The following RIMS3 variants were observed in gnomAD, a reference collection of about 807,000 sequenced individuals.
RIMS3 encodes the protein regulating synaptic membrane exocytosis protein 3.
RIMS3 carries 15 observed loss-of-function variants against 29.2 expected under a neutral mutation model. That is an observed-to-expected ratio of 0.51 (90% CI 0.34 to 0.79). RIMS3 has a LOEUF of 0.79. RIMS3 is among the 30% of genes least tolerant of loss of function. The pLI is 0.01. For missense variants in RIMS3, 342 were observed against 421.4 expected (o/e 0.81, Z 1.65); for synonymous variants, 161 against 170.1 (o/e 0.95, Z 0.41).
At chr1:40,675,107 A>C in the RIMS3 span, among the ~76,000 whole-genome samples, 857 of 152,210 alleles carry the variant, frequency 5.6e-3, 6 homozygotes, top group African/African-American at 0.02. Context: ...AAAGGAAAAA[A>C]AATTTTTTTT....
the RIMS3 span, among the ~76,000 whole-genome samples, chr1:40,685,038 G>GTGGC: frequency 6.6e-6 from 1 of 152,042 alleles, no homozygotes; most frequent in African/African-American, 2.4e-5. Flanking sequence ...GGTGGACCAA[G>GTGGC]TGGCTAATTG....
the RIMS3 span, among the ~76,000 whole-genome samples, chr1:40,671,637 T>G: frequency 1.3e-5 from 2 of 152,148 alleles, no homozygotes; most frequent in Admixed American, 1.3e-4. Flanking sequence ...GCTCCCCCTT[T>G]GCCTTCAGCC....
rs1163522899 is a variant in RIMS3, at chr1:40,633,111, C to A, written c.430G>T (p.Ala144Ser). ...FSDFLDGLGP[A>S]QIVGRQTLAT... ...AGTGTCTGTCGCCCCACAATCTGAG[C>A]TGGTCCCAGCCCATCCAGGAAATCG... The change falls in exon 5 of 8, where the codon GCT becomes TCT. Residue 144 changes from alanine (A) to serine (S), a missense_variant. Transcript: ENST00000372684. 6.2e-7 allele frequency: 1 copy of A among 1,614,184 alleles called. No individual in the cohort carries two copies. Among genetic ancestry groups the A allele is most frequent in the South Asian group, 1.1e-5 (1 of 91,092 alleles).
the RIMS3 span, among the ~76,000 whole-genome samples, chr1:40,675,944 A>G: frequency 6.6e-6 from 1 of 151,946 alleles, no homozygotes; most frequent in Non-Finnish European, 1.5e-5. Context: ...AAAGTCATAG[A>G]CAAGTAGGTC....
chr1:40,687,082 T>C, the RIMS3 span, among the ~76,000 whole-genome samples: 38 of 151,654 alleles, frequency 2.5e-4, no homozygotes, highest in African/African-American at 8.0e-4. Flanking sequence ...CCCCCAATAA[T>C]TGAAAGCAGG....
intron 1 of RIMS3, among the ~76,000 whole-genome samples, chr1:40,663,583 CCT>C (rs1642383204): frequency 6.6e-6 from 1 of 152,210 alleles, no homozygotes; most frequent in Non-Finnish European, 1.5e-5. Context: ...CACCCAGACC[CCT>C]GACAGACCCC....
the RIMS3 span, among the ~76,000 whole-genome samples, chr1:40,676,931 C>T: frequency 6.6e-6 from 1 of 152,106 alleles, no homozygotes; most frequent in Non-Finnish European, 1.5e-5. Flanking sequence ...TCCCTCTACC[C>T]CCTTAGGACA....
chr1:40,642,904 C>T (rs188241053), intron 2 of RIMS3, among the ~76,000 whole-genome samples: 7 of 149,862 alleles, frequency 4.7e-5, no homozygotes, highest in Admixed American at 1.3e-4. Context: ...AGCAGTGAGC[C>T]GAGATCGCAC....
chr1:40,660,341 G>A (rs897462603), intron 1 of RIMS3, among the ~76,000 whole-genome samples: 1 of 134,478 alleles, frequency 7.4e-6, no homozygotes, highest in African/African-American at 2.6e-5. Context: ...CTAAGTGTGG[G>A]CCAGGAAGCA....
In RIMS3 at chr1:40,626,126, G is replaced by C. The variant is rs574860467; in HGVS notation, c.*391C>G. The C allele has an allele frequency of 6.2e-5, 19 of 305,178 alleles. No homozygotes were observed. In the Admixed American group the frequency reaches 7.0e-4, roughly 11 times the overall value. 18.9% of individuals were successfully genotyped at this position (305,178 alleles called of 1,614,324 possible). ...TGAAGAACACACAGGCTCTGCCCCAGGCCAGGACCAGGCAGCACCGACCAG... is the reference window on the plus strand; with the variant it reads ...TGAAGAACACACAGGCTCTGCCCCACGCCAGGACCAGGCAGCACCGACCAG... On this transcript the variant is annotated 3_prime_UTR_variant, in exon 8 of 8. Coordinates refer to ENST00000372684, the MANE Select transcript of RIMS3 (RefSeq NM_014747.3).
In RIMS3 at chr1:40,654,920, C is replaced by T. The variant is rs1347282033; in HGVS notation, c.-206-7078G>A. On this transcript the variant is annotated intron_variant, in intron 1 of 7. Transcript: ENST00000372684. This position sits in a 1 kb window ranked among gnomAD's most constrained non-coding sequence, Gnocchi z 5.3. ...TCACCATGGACACACAAGCACACAC[C>T]CCACACTCTACCCAGGCCCTCCATC... Among the ~76,000 whole-genome samples, 1 of 152,190 alleles carries T rather than the reference C, an allele frequency of 6.6e-6. No individual in the cohort carries two copies. The highest frequency in any genetic ancestry group is 1.5e-5 in the Non-Finnish European group (1 of 68,032).
the RIMS3 span, among the ~76,000 whole-genome samples, chr1:40,682,056 A>G: frequency 2.0e-5 from 3 of 151,850 alleles, no homozygotes; most frequent in African/African-American, 7.3e-5. Flanking sequence ...CTGGCCTTGA[A>G]CTCCTGACCT....
Position 40,641,699 on chromosome 1 carries a change from GCCC to G in RIMS3, c.217+7_217+9del. ...CCACCTCTACCCCGTGATGTCCCAT[GCCC>G]CCTCACCAGGCTGCGGAAGCTGGAG... is the stretch of plus-strand genomic sequence containing the variant. On this transcript the variant is annotated splice_region_variant and intron_variant, in intron 3 of 7. Coordinates refer to ENST00000372684, the MANE Select transcript of RIMS3 (RefSeq NM_014747.3). The G allele has an allele frequency of 6.2e-7, 1 of 1,613,630 alleles. No individual in the cohort carries two copies. The highest frequency in any genetic ancestry group is 1.3e-5 in the African/African-American group (1 of 75,032).
chr1:40,628,851 C>A lies in RIMS3; in HGVS notation c.673G>T (p.Ala225Ser). The change falls in exon 7 of 8, where the codon GCT (alanine) becomes TCT (serine). Residue 225 changes from alanine to serine, a missense_variant. Coordinates refer to ENST00000372684, the MANE Select transcript of RIMS3 (RefSeq NM_014747.3). ...KKTCDPLYQQ[A>S]LLFDEGPQGK... ...TGGGGTCCCTCGTCAAAGAGCAGAG[C>A]CTGCTGGTACAGGGGATCACAGGTC... The A allele has an allele frequency of 6.2e-7, 1 of 1,614,164 alleles. No individual in the cohort carries two copies. Among genetic ancestry groups the A allele is most frequent in the Non-Finnish European group, 8.5e-7 (1 of 1,180,040 alleles).
chr1:40,673,871 A>G, the RIMS3 span, among the ~76,000 whole-genome samples: 7 of 152,310 alleles, frequency 4.6e-5, no homozygotes, highest in African/African-American at 1.2e-4. Context: ...TTCCTTCCAC[A>G]TGTGTGAAAT....
At chr1:40,669,028 C>G (rs1246557407), upstream of RIMS3, 1 of 152,260 alleles carries the variant, frequency 6.6e-6, no homozygotes, top group African/African-American at 2.4e-5. Context: ...TTGGCACAGC[C>G]GAGCCGAAGT....
intron 1 of RIMS3, among the ~76,000 whole-genome samples, chr1:40,657,073 T>C (rs568891068): frequency 2.0e-4 from 31 of 152,306 alleles, no homozygotes; most frequent in Admixed American, 1.5e-3. Context: ...TATTCACAAA[T>C]TGTCATAACG....
At chr1:40,662,294 A>T (rs948880304) in intron 1 of RIMS3, among the ~76,000 whole-genome samples, 1 of 151,880 alleles carries the variant, frequency 6.6e-6, no homozygotes, top group Admixed American at 6.6e-5. Context: ...CCCCTTCCTC[A>T]TCCCTTCTTC....
chr1:40,644,969 G>A (rs143190031), intron 2 of RIMS3, among the ~76,000 whole-genome samples: 121 of 152,372 alleles, frequency 7.9e-4, no homozygotes, highest in Admixed American at 7.8e-3. Flanking sequence ...CCAGACAGCT[G>A]AGAATGGTCA....
Sources: gnomAD v4.1 joint callset for allele counts (sites outside exome capture counted in the v4.1 genomes callset) on GRCh38, gnomAD v4.1.1 for gene constraint, Gnocchi (gnomAD v3.1) non-coding constraint, MANE v1.5 for transcripts, NCBI Gene and HGNC (gene_info 2026-07-23, HGNC 2026-07-21) for gene names.